HS3ST4: variants seen among roughly 807,000 people sequenced by gnomAD.
The protein encoded by HS3ST4 is heparan sulfate glucosamine 3-O-sulfotransferase 4.
In HS3ST4, 17 loss-of-function variants were observed where a neutral mutation model predicts 29.2. The ratio of observed to expected loss-of-function variants is 0.58; its 90% CI spans 0.40 to 0.87. The LOEUF is 0.87. Ranked by LOEUF, HS3ST4 falls within the 40% of genes least tolerant of loss-of-function variation. The pLI is 0.00. For missense variants in HS3ST4, 627 were observed against 634.5 expected (o/e 0.99, Z 0.13); for synonymous variants, 314 against 285.7 (o/e 1.10, Z -1.00).
chr16:25,972,628 G>A (rs767417442), intron 1 of HS3ST4, among the ~76,000 whole-genome samples: 17 of 152,186 alleles, frequency 1.1e-4, no homozygotes, highest in African/African-American at 1.2e-4. Flanking sequence ...TTGAGAGAGC[G>A]CCAGAAAGAC....
chr16:25,945,264 G>A (rs1006386287), intron 1 of HS3ST4, among the ~76,000 whole-genome samples: 1 of 152,086 alleles, frequency 6.6e-6, no homozygotes, highest in Non-Finnish European at 1.5e-5. Context: ...TAACATACTG[G>A]CCATGTAATT....
At chr16:25,966,133 C>T (rs2141704225) in intron 1 of HS3ST4, among the ~76,000 whole-genome samples, 1 of 152,286 alleles carries the variant, frequency 6.6e-6, no homozygotes, top group South Asian at 2.1e-4. Flanking sequence ...ATGGCATGAT[C>T]ATTGCTTCTA....
chr16:26,027,202 G>T (rs1431579571), intron 1 of HS3ST4, among the ~76,000 whole-genome samples: 1 of 152,190 alleles, frequency 6.6e-6, no homozygotes, highest in African/African-American at 2.4e-5. Flanking sequence ...CTGTAGCCAT[G>T]CTGTCAGGAA....
rs150121889 is a variant in HS3ST4 at position 26,122,240 on chromosome 16, G to A, written c.735-13372G>A. 3.4e-3 allele frequency among the ~76,000 whole-genome samples: 515 copies of A among 151,034 alleles called. 4 individuals are homozygous for A. The highest frequency in any genetic ancestry group is 0.012 in the African/African-American group (479 of 41,148). On this transcript the variant is annotated intron_variant, in intron 1 of 1. Coordinates refer to ENST00000331351, the MANE Select transcript of HS3ST4 (RefSeq NM_006040.3). The stretch of plus-strand genomic sequence containing the variant: ...GCACACGCATACACACACATGCGTG[G>A]CAACCTTTCAAACATGTAGATTCAG...
intron 1 of HS3ST4, among the ~76,000 whole-genome samples, chr16:26,101,750 G>A (rs920179323): frequency 1.3e-5 from 2 of 152,148 alleles, no homozygotes; most frequent in African/African-American, 4.8e-5. Flanking sequence ...ATAGATGATG[G>A]TTGAATGAAT....
At chr16:25,879,332 C>T (rs1967869535) in intron 1 of HS3ST4, among the ~76,000 whole-genome samples, 1 of 152,088 alleles carries the variant, frequency 6.6e-6, no homozygotes, top group African/African-American at 2.4e-5. Flanking sequence ...AGTCCGTTTT[C>T]ATGTTGGTGA....
At chr16:26,074,381 G>A (rs961378178) in intron 1 of HS3ST4, among the ~76,000 whole-genome samples, 15 of 152,130 alleles carry the variant, frequency 9.9e-5, no homozygotes, top group African/African-American at 2.9e-4. Context: ...GGCATGTTCC[G>A]GATGTTGAGA....
Position 25,693,031 on chromosome 16 carries a change from T to C in HS3ST4, c.614T>C (p.Val205Ala). 6.2e-7 allele frequency: 1 copy of C among 1,610,554 alleles called. No individual in the cohort carries two copies. Among genetic ancestry groups the C allele is most frequent in the Non-Finnish European group, 8.5e-7 (1 of 1,178,802 alleles). The change falls in exon 1 of 2, where the codon GTC becomes GCC. Residue 205 changes from valine (V) to alanine (A), a missense_variant. This residue lies in a region of HS3ST4 where 402 missense variants were observed against 340.8 expected (regional missense o/e 1.18). Coordinates refer to ENST00000331351, the MANE Select transcript of HS3ST4 (RefSeq NM_006040.3). The part of the protein sequence containing the change: ...KKLPQALIIG[V>A]KKGGTRALLE... The stretch of plus-strand genomic sequence containing the variant: ...CTGCCACAGGCGCTCATCATCGGGG[T>C]CAAGAAAGGAGGGACCCGCGCGCTG...
rs964262544 is a variant in HS3ST4 at position 26,042,901 on chromosome 16, G to A, written c.735-92711G>A. On this transcript the variant is annotated intron_variant, in intron 1 of 1. Coordinates refer to ENST00000331351, the MANE Select transcript of HS3ST4 (RefSeq NM_006040.3). Reference sequence around the variant, plus strand: ...ACTTTCAGCCTTTTGCTGGATTTTGGCAGTATCATTTTACACTATAAATCC... The same window carrying A: ...ACTTTCAGCCTTTTGCTGGATTTTGACAGTATCATTTTACACTATAAATCC... 9.2e-5 allele frequency among the ~76,000 whole-genome samples: 14 copies of A among 152,168 alleles called. 1 individual carries two copies. Among genetic ancestry groups the A allele is most frequent in the African/African-American group, 3.1e-4 (13 of 41,538 alleles).
chr16:25,968,934 G>A (rs7500045), intron 1 of HS3ST4, among the ~76,000 whole-genome samples: 16,191 of 152,034 alleles, frequency 0.11, 1,013 homozygotes, highest in Middle Eastern at 0.19. Context: ...ATTCTCCTGC[G>A]TCAACCTCCC....
chr16:25,949,553 G>A (rs1355120062), intron 1 of HS3ST4, among the ~76,000 whole-genome samples: 2 of 152,140 alleles, frequency 1.3e-5, no homozygotes, highest in Non-Finnish European at 2.9e-5. Context: ...TTTGATTTGG[G>A]AACTACTGCA....
At chr16:25,873,650 A>G (rs549181712) in intron 1 of HS3ST4, among the ~76,000 whole-genome samples, 156 of 58,080 alleles carry the variant, frequency 2.7e-3, no homozygotes, top group African/African-American at 4.7e-3. Context: ...CCATCCATCC[A>G]TCCGTCCGTC....
At chr16:25,731,460 C>A (rs1966569588) in intron 1 of HS3ST4, among the ~76,000 whole-genome samples, 1 of 152,186 alleles carries the variant, frequency 6.6e-6, no homozygotes, top group African/African-American at 2.4e-5. Flanking sequence ...CCCACCTCAG[C>A]CTCTTGTGCA....
rs114851541 is a variant in HS3ST4 at position 25,984,253 on chromosome 16, T to G, written c.735-151359T>G. Among the ~76,000 whole-genome samples, 513 of 152,244 alleles carry G rather than the reference T, an allele frequency of 3.4e-3. 9 individuals are homozygous for G. Among genetic ancestry groups the G allele is most frequent in the African/African-American group, 0.012 (489 of 41,528 alleles). On this transcript the variant is annotated intron_variant, in intron 1 of 1. Coordinates refer to ENST00000331351, the MANE Select transcript of HS3ST4 (RefSeq NM_006040.3). Reference sequence around the variant, plus strand: ...GAACCTGGGACTGGTGGAAGACAATTTTTCCATGGCCAGGGATGGGGGACG... The same window carrying G: ...GAACCTGGGACTGGTGGAAGACAATGTTTCCATGGCCAGGGATGGGGGACG...
At chr16:25,775,503 A>G (rs1429677078) in intron 1 of HS3ST4, among the ~76,000 whole-genome samples, 2 of 152,150 alleles carry the variant, frequency 1.3e-5, no homozygotes, top group Non-Finnish European at 2.9e-5. Flanking sequence ...TCCTTAGCTG[A>G]CATCTAAAGC....
intron 1 of HS3ST4, among the ~76,000 whole-genome samples, chr16:26,026,651 C>A (rs1035035210): frequency 6.6e-6 from 1 of 152,248 alleles, no homozygotes. Flanking sequence ...AGAAAGGAAA[C>A]CTTTCCCAGA....
intron 1 of HS3ST4, among the ~76,000 whole-genome samples, chr16:26,070,018 C>T (rs546603303): frequency 2.6e-5 from 4 of 152,152 alleles, no homozygotes; most frequent in East Asian, 1.9e-4. Context: ...AATAAACATA[C>T]GTGTGCATAT....
intron 1 of HS3ST4, among the ~76,000 whole-genome samples, chr16:26,007,104 GGGGATTCTCTTGAAC>G (rs1010306157): frequency 3.3e-5 from 5 of 152,308 alleles, no homozygotes; most frequent in African/African-American, 1.2e-4. Flanking sequence ...ATGTGGATTT[GGGGATTCTCTTGAAC>G]TATCGGAAGA....
chr16:26,089,132 C>T (rs1044708045), intron 1 of HS3ST4, among the ~76,000 whole-genome samples: 17 of 152,308 alleles, frequency 1.1e-4, no homozygotes, highest in South Asian at 4.1e-4. Context: ...TCAAGTGTCA[C>T]GTGGTAGTCC....
Sources: allele counts gnomAD v4.1 joint callset (sites outside exome capture counted in the v4.1 genomes callset), GRCh38; gene constraint gnomAD v4.1.1; regional missense constraint gnomAD v4.1.1; transcripts MANE v1.5; gene names NCBI Gene and HGNC (gene_info 2026-07-23, HGNC 2026-07-21).